The following KDM4A variants were observed in gnomAD, a reference collection of about 807,000 sequenced individuals.
The protein encoded by KDM4A is lysine demethylase 4A, also known as lysine-specific demethylase 4A.
A neutral mutation model predicts 127.1 loss-of-function variants in KDM4A; 23 were observed. The ratio of observed to expected loss-of-function variants is 0.18; its 90% CI spans 0.13 to 0.26. The LOEUF (loss-of-function observed/expected upper bound fraction) is 0.26. Ranked by LOEUF, KDM4A falls within the 10% of genes least tolerant of loss-of-function variation. The pLI, the probability that KDM4A is intolerant of heterozygous loss-of-function variation, is 1.00. For missense variants in KDM4A, 890 were observed against 1,329.1 expected, an observed-to-expected ratio of 0.67 and a Z score of 5.14; for synonymous variants, 443 against 466.5, an observed-to-expected ratio of 0.95 and a Z score of 0.65.
At position 43,690,922 on chromosome 1, in the gene KDM4A, G is replaced by A; in HGVS notation, c.2115G>A (p.Leu705=). ...CCCAGAAGCAGAGGACCAAGCCATT[G>A]ATTCCAGAAATGTGCTTCACTTCGA... The part of the protein sequence containing the change: ...LAPQKQRTKP[L]IPEMCFTSTG... The change falls in exon 14 of 22, where the codon TTG becomes TTA. Residue 705 remains leucine, a synonymous_variant. Coordinates refer to ENST00000372396, the MANE Select transcript of KDM4A (RefSeq NM_014663.3). 3 of 1,614,226 alleles carry A rather than the reference G, an allele frequency of 1.9e-6. No homozygotes were observed. Among genetic ancestry groups the A allele is most frequent in the East Asian group, 2.2e-5 (1 of 44,888 alleles).
chr1:43,665,796 C>T, intron 6 of KDM4A, 51 bp downstream of exon 6: 1 of 1,583,058 alleles, frequency 6.3e-7, no homozygotes, highest in South Asian at 1.1e-5. Flanking sequence ...GAGCTGTGCT[C>T]CTTGCTCTGC....
chr1:43,704,711 C>T lies in KDM4A; in HGVS notation c.*341C>T. ...CTAGGACTTAGCTTCATAACTATCA[C>T]CTGCACCGACTAGGCTGAGGTGCTG... is the stretch of plus-strand genomic sequence containing the variant. On this transcript the variant is annotated 3_prime_UTR_variant, in exon 22 of 22. Transcript: ENST00000372396. 1 of 297,806 alleles carries T rather than the reference C, an allele frequency of 3.4e-6. No homozygotes were observed. Among genetic ancestry groups the T allele is most frequent in the Non-Finnish European group, 6.3e-6 (1 of 158,482 alleles). The allele number at this position is 297,806 out of a possible 1,614,324, so 18.4% of individuals were successfully genotyped here.
chr1:43,663,205 G>GC, intron 5 of KDM4A, 118 bp downstream of exon 5: 1 of 852,862 alleles, frequency 1.2e-6, no homozygotes. Context: ...CAGGCTTGGG[G>GC]TGACATTCCA....
At position 43,678,587 on chromosome 1, in the gene KDM4A, G is replaced by GTT. The variant is rs35182358; in HGVS notation, c.1735-5080_1735-5079dup. On this transcript the variant is annotated intron_variant, in intron 11 of 21. Coordinates refer to ENST00000372396, the MANE Select transcript of KDM4A (RefSeq NM_014663.3). ...GACAGGAGGGGATGGCTGCAGATAG[G>GTT]TTTTTTTTTTTTTTTTTTGAGAAAA... Among the ~76,000 whole-genome samples the GTT allele has an allele frequency of 2.2e-3, 301 of 134,456 alleles. 1 individual carries two copies. Among genetic ancestry groups the GTT allele is most frequent in the Middle Eastern group, 7.9e-3 (2 of 252 alleles). The allele number at this position is 134,456 out of a possible 152,430, so 88.2% of individuals were successfully genotyped here. A position where few individuals can be genotyped will look rare whatever the true frequency, so the allele number is the denominator to read the frequency against.
chr1:43,687,708 T>C (rs966101531), intron 12 of KDM4A, among the ~76,000 whole-genome samples: 5 of 141,844 alleles, frequency 3.5e-5, no homozygotes, highest in African/African-American at 1.2e-4. Flanking sequence ...TTGTTTCTGC[T>C]GGGAGCTTGT....
intron 2 of KDM4A, 124 bp downstream of exon 2, chr1:43,653,437 G>A (rs868697457): frequency 3.4e-6 from 3 of 882,900 alleles, no homozygotes; most frequent in Non-Finnish European, 5.0e-6. Context: ...TTTAGTGAAT[G>A]CGGTTCTATT....
chr1:43,681,970 A>T (rs1660869723), intron 11 of KDM4A, among the ~76,000 whole-genome samples: 1 of 152,126 alleles, frequency 6.6e-6, no homozygotes, highest in South Asian at 2.1e-4. Flanking sequence ...CCTTTTACTT[A>T]CTTACTTATT....
At position 43,694,176 on chromosome 1, in the gene KDM4A, A is replaced by G. The variant is rs555576376; in HGVS notation, c.2484+74A>G. On this transcript the variant is annotated intron_variant, in intron 17 of 21. Transcript: ENST00000372396. This position sits in a 1 kb window ranked among gnomAD's most constrained non-coding sequence, Gnocchi z 5.2. ...GTAGAAGAGAACAGGGACCTCCTGT[A>G]CCCCTTGGTTTTGGTTAGAGTTTGT... The G allele has an allele frequency of 5.0e-6, 6 of 1,202,970 alleles. No homozygotes were observed. The African/African-American group carries it at 9.1e-5, about 18-fold the overall frequency. 74.5% of individuals were successfully genotyped at this position (1,202,970 alleles called of 1,614,324 possible).
chr1:43,690,722 C>A, intron 13 of KDM4A, 123 bp from the exon 14 acceptor site: 3 of 885,034 alleles, frequency 3.4e-6, no homozygotes, highest in South Asian at 1.4e-5. Flanking sequence ...AATGGCTGTG[C>A]ACCCGGGAGC....
chr1:43,660,405 A>G lies in KDM4A; in HGVS notation c.422A>G (p.Tyr141Cys). Residue 141 changes from tyrosine to cysteine, a missense_variant, in exon 4 of 22, where the codon TAT (tyrosine) becomes TGT (cysteine). Physicochemically the swap from Tyr to Cys is radical, Grantham distance 194. Coordinates refer to ENST00000372396, the MANE Select transcript of KDM4A (RefSeq NM_014663.3). ...IYGADVNGTLYEKHVDEWNIG... is the reference protein window; with the variant it reads ...IYGADVNGTLCEKHVDEWNIG... ...GGTGCAGATGTGAATGGTACCCTCT[A>G]TGAAAAGGTGAGGCTCACTGGAAAC... The G allele has an allele frequency of 6.2e-7, 1 of 1,601,196 alleles. No individual in the cohort carries two copies. Among genetic ancestry groups the G allele is most frequent in the Non-Finnish European group, 8.5e-7 (1 of 1,172,656 alleles).
chr1:43,665,910 C>T (rs527960492), intron 6 of KDM4A, among the ~76,000 whole-genome samples, 165 bp downstream of exon 6: 1 of 152,256 alleles, frequency 6.6e-6, no homozygotes, highest in East Asian at 1.9e-4. Context: ...GTGACGGAGC[C>T]TTTTCTTCCT....
At chr1:43,697,551 T>C (rs2154049037) in intron 18 of KDM4A, among the ~76,000 whole-genome samples, 1 of 152,308 alleles carries the variant, frequency 6.6e-6, no homozygotes, top group Admixed American at 6.5e-5. Context: ...ATGTTGTTGT[T>C]CAGAGAGTTC....
intron 19 of KDM4A, among the ~76,000 whole-genome samples, chr1:43,700,611 T>C (rs1345012268): frequency 1.3e-5 from 2 of 151,974 alleles, no homozygotes; most frequent in Non-Finnish European, 2.9e-5. Context: ...TTTGTAGAAA[T>C]GGGGTCTTGC....
chr1:43,690,331 T>C (rs1661079167), intron 13 of KDM4A, among the ~76,000 whole-genome samples: 1 of 152,198 alleles, frequency 6.6e-6, no homozygotes, highest in Admixed American at 6.5e-5. Flanking sequence ...CGTGCATTTT[T>C]TTTTTTTTTA....
chr1:43,661,850 G>A (rs1377173602), intron 4 of KDM4A, among the ~76,000 whole-genome samples: 3 of 152,058 alleles, frequency 2.0e-5, no homozygotes, highest in Non-Finnish European at 4.4e-5. Context: ...TGAAGACACT[G>A]CCTGGTGGAA....
Position 43,663,042 on chromosome 1 carries a change from A to T in KDM4A, c.578A>T (p.Asp193Val). The change falls in exon 5 of 22, where the codon GAC (aspartate) becomes GTC (valine). Residue 193 changes from aspartate to valine, a missense_variant. Physicochemically the swap from Asp to Val is radical, Grantham distance 152. Transcript: ENST00000372396. ...TSFAWHTEDM[D>V]LYSINYLHFG... ...TTTGCTTGGCACACTGAAGACATGG[A>T]CCTCTACAGCATCAACTACCTGCAC... The T allele has an allele frequency of 1.2e-6, 2 of 1,614,090 alleles. No homozygotes were observed. The highest frequency in any genetic ancestry group is 1.7e-6 in the Non-Finnish European group (2 of 1,179,972).
At chr1:43,697,750 T>G in intron 18 of KDM4A, 93 bp from the exon 19 acceptor site, 2 of 1,208,448 alleles carry the variant, frequency 1.7e-6, no homozygotes, top group Non-Finnish European at 2.3e-6. Flanking sequence ...TGCTTATCTT[T>G]CCCTGATAAG....
At chr1:43,658,929 T>C (rs1660309769) in intron 3 of KDM4A, among the ~76,000 whole-genome samples, 1 of 152,066 alleles carries the variant, frequency 6.6e-6, no homozygotes, top group African/African-American at 2.4e-5. Context: ...CATGAGCCAC[T>C]GTACTTGGCT....
chr1:43,651,795 CT>C (rs1202754592), intron 1 of KDM4A, among the ~76,000 whole-genome samples: 1 of 152,222 alleles, frequency 6.6e-6, no homozygotes, highest in East Asian at 1.9e-4. Context: ...GATGCACCCA[CT>C]TAGCTGAAGT....
Sources: gnomAD v4.1 joint callset for allele counts (sites outside exome capture counted in the v4.1 genomes callset) on GRCh38, gnomAD v4.1.1 for gene constraint, Gnocchi (gnomAD v3.1) non-coding constraint, MANE v1.5 for transcripts, NCBI Gene and HGNC (gene_info 2026-07-23, HGNC 2026-07-21) for gene names.